Variants in PIBF1 observed in about 807,000 individuals in gnomAD.
The protein encoded by PIBF1 is progesterone-induced-blocking factor 1.
In PIBF1, 90 loss-of-function variants were observed where a neutral mutation model predicts 112.5. That is an observed-to-expected ratio of 0.80 (90% CI 0.67 to 0.95). The LOEUF (loss-of-function observed/expected upper bound fraction) is 0.95. Among genes scored for constraint, PIBF1 ranks in the 40% least tolerant of loss-of-function variants. PIBF1 has a pLI of 0.00. For missense variants in PIBF1, 915 were observed against 852.3 expected, an observed-to-expected ratio of 1.07 and a Z score of -0.92; for synonymous variants, 301 against 288.6, an observed-to-expected ratio of 1.04 and a Z score of -0.44.
intron 11 of PIBF1, among the ~76,000 whole-genome samples, chr13:72,897,120 G>A (rs2040311037): frequency 6.6e-6 from 1 of 152,166 alleles, no homozygotes; most frequent in Non-Finnish European, 1.5e-5. Flanking sequence ...AAGCCTACAA[G>A]CTAGAAAGGA....
Position 72,967,084 on chromosome 13 carries a change from C to G in PIBF1, c.1964+1680C>G, listed in dbSNP as rs1175203060. 2.6e-5 allele frequency among the ~76,000 whole-genome samples: 4 copies of G among 151,820 alleles called. No homozygotes were observed. The South Asian group carries it at 8.3e-4, about 32-fold the overall frequency. On this transcript the variant is annotated intron_variant, in intron 15 of 17. Coordinates refer to ENST00000326291, the MANE Select transcript of PIBF1 (RefSeq NM_006346.4). ...CTGAGTAGCTAGGATTACAGGCACA[C>G]GCTGCCACGCCCAGCTAATTTTTGT...
Position 73,016,383 on chromosome 13 carries a change from G to A in PIBF1, c.*464G>A, listed in dbSNP as rs2044381763. On this transcript the variant is annotated 3_prime_UTR_variant, in exon 18 of 18. Coordinates refer to ENST00000326291, the MANE Select transcript of PIBF1 (RefSeq NM_006346.4). ...ACAGATTGTTGACTCTTTTGAAGTT[G>A]TTTTTTTCTTATATTTTATATTACC... 6.6e-6 allele frequency: 1 copy of A among 152,018 alleles called. No individual in the cohort carries two copies. The allele number at this position is 152,018 out of a possible 1,614,324, so 9.4% of individuals were successfully genotyped here.
At chr13:72,993,012 G>T (rs1236722110) in intron 16 of PIBF1, among the ~76,000 whole-genome samples, 1 of 152,182 alleles carries the variant, frequency 6.6e-6, no homozygotes, top group Non-Finnish European at 1.5e-5. Context: ...TCTTCAGAAA[G>T]ATTTGGAAAA....
intron 15 of PIBF1, among the ~76,000 whole-genome samples, chr13:72,968,151 T>A (rs1292473021): frequency 6.6e-6 from 1 of 151,466 alleles, no homozygotes; most frequent in Admixed American, 6.6e-5. Context: ...GCCACTGCAC[T>A]CCAACCTGGG....
chr13:72,808,225 T>A (rs1433009485), intron 5 of PIBF1, among the ~76,000 whole-genome samples: 2 of 152,220 alleles, frequency 1.3e-5, no homozygotes, highest in East Asian at 3.9e-4. Context: ...TTATTATAGC[T>A]TTTATTTCTC....
intron 5 of PIBF1, among the ~76,000 whole-genome samples, chr13:72,803,025 C>G (rs912973736): frequency 1.3e-4 from 20 of 152,096 alleles, no homozygotes; most frequent in African/African-American, 4.6e-4. Context: ...TAAGAATTGA[C>G]ATTGTATTTA....
At chr13:72,788,788 G>C (rs1391508909) in intron 2 of PIBF1, among the ~76,000 whole-genome samples, 1 of 152,198 alleles carries the variant, frequency 6.6e-6, no homozygotes, top group Non-Finnish European at 1.5e-5. Flanking sequence ...AAGGTTTGAT[G>C]TTGGGAGGCA....
At chr13:72,919,173 A>C (rs1288831778) in intron 13 of PIBF1, among the ~76,000 whole-genome samples, 1 of 152,244 alleles carries the variant, frequency 6.6e-6, no homozygotes, top group Admixed American at 6.5e-5. Context: ...GACTCAGAAA[A>C]TAGAACATCT....
At chr13:72,987,393 C>G (rs1312567247) in intron 16 of PIBF1, among the ~76,000 whole-genome samples, 2 of 149,846 alleles carry the variant, frequency 1.3e-5, no homozygotes, top group African/African-American at 2.5e-5. Context: ...AATGTGTCTT[C>G]ATTTTTAAAG....
chr13:72,810,693 A>T (rs757827772), intron 5 of PIBF1, among the ~76,000 whole-genome samples: 26 of 152,190 alleles, frequency 1.7e-4, no homozygotes, highest in Non-Finnish European at 3.1e-4. Context: ...ATTTATGATG[A>T]TACCCATCAG....
chr13:72,932,099 G>C (rs1330233819), intron 14 of PIBF1, among the ~76,000 whole-genome samples: 1 of 151,580 alleles, frequency 6.6e-6, no homozygotes, highest in Non-Finnish European at 1.5e-5. Context: ...GCACTACTGT[G>C]CCTGGCTAAT....
chr13:72,836,918 A>G (rs1269061163), intron 9 of PIBF1, among the ~76,000 whole-genome samples: 2 of 152,134 alleles, frequency 1.3e-5, no homozygotes, highest in African/African-American at 2.4e-5. Context: ...ATGAACTTCA[A>G]ACACTGAACA....
chr13:72,863,563 C>G (rs1431522743), intron 10 of PIBF1, among the ~76,000 whole-genome samples: 1 of 148,320 alleles, frequency 6.7e-6, no homozygotes, highest in Non-Finnish European at 1.5e-5. Flanking sequence ...GAGGCTGAGG[C>G]AGGAGAATGG....
At chr13:72,925,387 T>C (rs1186623601) in intron 13 of PIBF1, among the ~76,000 whole-genome samples, 2 of 152,216 alleles carry the variant, frequency 1.3e-5, no homozygotes, top group Admixed American at 1.3e-4. Context: ...AGATAATTTC[T>C]AAGTACCTCC....
rs139674582 is a variant in PIBF1 at position 72,789,775 on chromosome 13, G to T, written c.253-2672G>T. ...TGTGTTAGACCAGTTGAGCATCCCA[G>T]ATCTGAAAGTCTGAAATCCAAAAGG... On this transcript the variant is annotated intron_variant, in intron 2 of 17. Transcript: ENST00000326291. Among the ~76,000 whole-genome samples the T allele has an allele frequency of 6.3e-3, 962 of 151,868 alleles. 5 individuals are homozygous for T. The highest frequency in any genetic ancestry group is 0.01 in the Non-Finnish European group (711 of 67,970).
chr13:72,849,811 T>C (rs1035033439), intron 9 of PIBF1, among the ~76,000 whole-genome samples: 39 of 152,246 alleles, frequency 2.6e-4, no homozygotes, highest in African/African-American at 8.9e-4. Flanking sequence ...CTCTGTAGCA[T>C]ACTTCCTGTG....
chr13:72,883,540 G>A (rs9592871), intron 10 of PIBF1, among the ~76,000 whole-genome samples: 4,089 of 152,278 alleles, frequency 0.027, 73 homozygotes, highest in Non-Finnish European at 0.041. Flanking sequence ...TGGCTGGAGT[G>A]TAGTGACATG....
At chr13:72,838,544 CA>C (rs1401835483) in intron 9 of PIBF1, among the ~76,000 whole-genome samples, 3 of 151,912 alleles carry the variant, frequency 2.0e-5, no homozygotes, top group African/African-American at 7.3e-5. Flanking sequence ...AATTTATAGA[CA>C]AAAAAAGTAA....
intron 14 of PIBF1, among the ~76,000 whole-genome samples, chr13:72,944,144 T>A (rs2042085251): frequency 6.6e-6 from 1 of 152,122 alleles, no homozygotes; most frequent in African/African-American, 2.4e-5. Flanking sequence ...TGATTTTGCC[T>A]ATATAGGAGT....
Sources: gnomAD v4.1 joint callset for allele counts (sites outside exome capture counted in the v4.1 genomes callset) on GRCh38, gnomAD v4.1.1 for gene constraint, MANE v1.5 for transcripts, NCBI Gene and HGNC (gene_info 2026-07-23, HGNC 2026-07-21) for gene names.